Variants in ITGA9 observed in about 807,000 individuals in gnomAD.
ITGA9 encodes the protein integrin subunit alpha 9, also known as integrin alpha-9.
In ITGA9, 56 loss-of-function variants were observed where a neutral mutation model predicts 127.8. That is an observed-to-expected ratio of 0.44 (90% CI 0.35 to 0.55). ITGA9 has a LOEUF of 0.55. Ranked by LOEUF, ITGA9 falls within the 20% of genes least tolerant of loss-of-function variation. ITGA9 has a pLI of 0.00. For synonymous variants in ITGA9, 508 were observed against 514.5 expected (o/e 0.99, Z 0.17); for missense variants, 1,196 against 1,347.1 (o/e 0.89, Z 1.76).
At chr3:37,475,127 A>G (rs1698479910) in intron 3 of ITGA9, among the ~76,000 whole-genome samples, 1 of 152,146 alleles carries the variant, frequency 6.6e-6, no homozygotes, top group South Asian at 2.1e-4. Flanking sequence ...CCAAACTTCC[A>G]CATTCCTCCA....
chr3:37,481,236 C>A (rs551757244), intron 3 of ITGA9, among the ~76,000 whole-genome samples: 3 of 152,292 alleles, frequency 2.0e-5, no homozygotes, highest in Non-Finnish European at 2.9e-5. Context: ...CTTCCCAATG[C>A]TCAGGACTAG....
At chr3:37,738,534 G>A (rs892489158) in intron 20 of ITGA9, among the ~76,000 whole-genome samples, 2 of 152,214 alleles carry the variant, frequency 1.3e-5, no homozygotes, top group East Asian at 3.8e-4. Flanking sequence ...ATGGCACTGA[G>A]GAGCCACTGA....
At chr3:37,580,504 G>A (rs554883370) in intron 15 of ITGA9, among the ~76,000 whole-genome samples, 1 of 152,304 alleles carries the variant, frequency 6.6e-6, no homozygotes, top group Non-Finnish European at 1.5e-5. Context: ...TAGGGAAAGG[G>A]GAAAAATCAC....
At chr3:37,644,983 C>T (rs758365750) in intron 16 of ITGA9, among the ~76,000 whole-genome samples, 4 of 152,264 alleles carry the variant, frequency 2.6e-5, no homozygotes, top group Non-Finnish European at 4.4e-5. Flanking sequence ...ACTCTTATAA[C>T]GTGCCACATG....
rs745393639 is a variant in ITGA9, at chr3:37,820,873, G to T, written c.*1884G>T. ...CACCTTTTTTACTGGAAGCTAACAC[G>T]TTGGGAGTCCGTGAACATTGTCAAA... On this transcript the variant is annotated 3_prime_UTR_variant, in exon 28 of 28. Coordinates refer to ENST00000264741, the MANE Select transcript of ITGA9 (RefSeq NM_002207.3). 1.3e-5 allele frequency: 2 copies of T among 152,326 alleles called. No homozygotes were observed. Among genetic ancestry groups the T allele is most frequent in the South Asian group, 4.1e-4 (2 of 4,828 alleles). 9.4% of individuals were successfully genotyped at this position (152,326 alleles called of 1,614,324 possible). A position where few individuals can be genotyped will look rare whatever the true frequency, so the allele number is the denominator to read the frequency against.
intron 4 of ITGA9, among the ~76,000 whole-genome samples, chr3:37,486,958 GA>G (rs1183222043): frequency 6.6e-6 from 1 of 152,198 alleles, no homozygotes; most frequent in Non-Finnish European, 1.5e-5. Flanking sequence ...TCCAGGGAAG[GA>G]AATAGATTAC....
chr3:37,751,167 A>G (rs1696581071), intron 23 of ITGA9, among the ~76,000 whole-genome samples: 1 of 152,246 alleles, frequency 6.6e-6, no homozygotes, highest in Admixed American at 6.5e-5. Context: ...TGAAAACCAG[A>G]CGCATGTGAA....
chr3:37,783,584 A>G (rs1045842746), intron 25 of ITGA9, among the ~76,000 whole-genome samples: 4 of 152,024 alleles, frequency 2.6e-5, no homozygotes, highest in Admixed American at 2.6e-4. Flanking sequence ...TGATCCTCCC[A>G]CTTCAGTCTC....
chr3:37,506,416 C>G (rs776058924), intron 7 of ITGA9, among the ~76,000 whole-genome samples: 16 of 152,202 alleles, frequency 1.1e-4, no homozygotes, highest in Non-Finnish European at 1.6e-4. Flanking sequence ...TGTCCAACTT[C>G]AAATCCCAAA....
intron 15 of ITGA9, among the ~76,000 whole-genome samples, chr3:37,599,838 C>A (rs748711462): frequency 4.6e-5 from 7 of 152,146 alleles, no homozygotes; most frequent in Non-Finnish European, 1.0e-4. Flanking sequence ...TTCTCATAAA[C>A]TGATTGTGCA....
chr3:37,750,611 G>C (rs770500846), intron 23 of ITGA9, 42 bp downstream of exon 23: 1 of 1,406,158 alleles, frequency 7.1e-7, no homozygotes, highest in Non-Finnish European at 1.0e-6. Flanking sequence ...TCAGCTTTGA[G>C]CCAGCCCATT....
chr3:37,804,259 G>A (rs79055780), intron 27 of ITGA9, among the ~76,000 whole-genome samples: 90 of 152,302 alleles, frequency 5.9e-4, no homozygotes, highest in African/African-American at 2.2e-3. Flanking sequence ...AGAAGGGGGC[G>A]ATTTCCCATT....
chr3:37,615,568 A>G (rs566360365), intron 15 of ITGA9, among the ~76,000 whole-genome samples: 1 of 152,236 alleles, frequency 6.6e-6, no homozygotes, highest in African/African-American at 2.4e-5. Flanking sequence ...TACCTCTGGT[A>G]GAATTCGGCT....
At chr3:37,463,801 G>A (rs1316339029) in intron 1 of ITGA9, among the ~76,000 whole-genome samples, 1 of 152,218 alleles carries the variant, frequency 6.6e-6, no homozygotes, top group Non-Finnish European at 1.5e-5. Context: ...TACTGTGACA[G>A]TCTGAATAAA....
chr3:37,479,255 CAT>C (rs1305304953), intron 3 of ITGA9, among the ~76,000 whole-genome samples: 1 of 152,200 alleles, frequency 6.6e-6, no homozygotes, highest in Non-Finnish European at 1.5e-5. Flanking sequence ...TTCTCTGCCT[CAT>C]ATCATTTCAG....
At chr3:37,773,303 C>T (rs1696866581) in intron 23 of ITGA9, among the ~76,000 whole-genome samples, 1 of 152,208 alleles carries the variant, frequency 6.6e-6, no homozygotes, top group Non-Finnish European at 1.5e-5. Context: ...GGTGGCCAGG[C>T]CTCGTAATCT....
intron 27 of ITGA9, among the ~76,000 whole-genome samples, chr3:37,813,419 C>T (rs2125566716): frequency 6.6e-6 from 1 of 152,206 alleles, no homozygotes; most frequent in Non-Finnish European, 1.5e-5. Context: ...TAGCCATTAT[C>T]TTTAGTTGAA....
chr3:37,735,957 TGAG>T (rs1696356353), intron 19 of ITGA9, among the ~76,000 whole-genome samples: 1 of 152,238 alleles, frequency 6.6e-6, no homozygotes, highest in African/African-American at 2.4e-5. Flanking sequence ...TTCTTAAGGC[TGAG>T]AAGTTCAAGG....
In ITGA9 at chr3:37,629,134, A is replaced by G. The variant is rs1700204835; in HGVS notation, c.1690-53A>G. The stretch of plus-strand genomic sequence containing the variant: ...GTCTTTGTAAACTGTGAAATGCTCT[A>G]CGACTGTCAGCCAGGATTAGTAGTT... On this transcript the variant is annotated intron_variant, in intron 15 of 27. Transcript: ENST00000264741. The surrounding 1 kb of genome is among the most constrained non-coding windows in gnomAD (Gnocchi z 4.5). 1.9e-6 allele frequency: 3 copies of G among 1,605,114 alleles called. No individual in the cohort carries two copies. The highest frequency in any genetic ancestry group is 1.3e-5 in the African/African-American group (1 of 74,812).
Sources: allele counts gnomAD v4.1 joint callset (sites outside exome capture counted in the v4.1 genomes callset), GRCh38; gene constraint gnomAD v4.1.1; non-coding constraint Gnocchi (gnomAD v3.1); transcripts MANE v1.5; gene names NCBI Gene and HGNC (gene_info 2026-07-23, HGNC 2026-07-21).